IL16: variants seen among roughly 807,000 people sequenced by gnomAD.
The protein encoded by IL16 is pro-interleukin-16.
Under a neutral mutation model 110.1 loss-of-function variants are expected in IL16, and 67 were observed. That is an observed-to-expected ratio of 0.61 (90% CI 0.50 to 0.75). IL16 has a LOEUF of 0.75. IL16 is among the 30% of genes least tolerant of loss of function. IL16 has a pLI of 0.00. For missense variants in IL16, 1,545 were observed against 1,655.0 expected, an observed-to-expected ratio of 0.93 and a Z score of 1.15; for synonymous variants, 689 against 662.9, an observed-to-expected ratio of 1.04 and a Z score of -0.61.
intron 1 of IL16, among the ~76,000 whole-genome samples, chr15:81,189,459 G>T (rs1895466203): frequency 6.6e-6 from 1 of 151,922 alleles, no homozygotes. Flanking sequence ...ATTTTTGTAG[G>T]GACAGAGTCT....
intron 12 of IL16, among the ~76,000 whole-genome samples, chr15:81,293,513 C>T (rs1899841378): frequency 6.6e-6 from 1 of 152,074 alleles, no homozygotes; most frequent in African/African-American, 2.4e-5. Flanking sequence ...CCAGCCTGGC[C>T]AAGATGGTGA....
In IL16 at chr15:81,308,670, G is replaced by A; in HGVS notation, c.3871G>A (p.Ala1291Thr). The A allele has an allele frequency of 6.2e-7, 1 of 1,613,522 alleles. No homozygotes were observed. The highest frequency in any genetic ancestry group is 1.1e-5 in the South Asian group (1 of 91,048). ...TGAAATCTTACAGCTGGGTGGCACT[G>A]CCATGCAGGGCCTCACACGGTTTGA... Reference protein sequence around the residue: ...GDEILQLGGTAMQGLTRFEAW... With the variant: ...GDEILQLGGTTMQGLTRFEAW... The change falls in exon 19 of 19, where the codon GCC becomes ACC. Residue 1291 changes from alanine (A) to threonine (T), a missense_variant. Coordinates refer to ENST00000683961, the MANE Select transcript of IL16 (RefSeq NM_172217.5).
chr15:81,220,104 C>G (rs553199618), intron 1 of IL16, among the ~76,000 whole-genome samples: 2 of 152,174 alleles, frequency 1.3e-5, no homozygotes, highest in Non-Finnish European at 2.9e-5. Flanking sequence ...CACAGAACTA[C>G]TCCCAGCTGC....
chr15:81,194,608 G>T (rs542919959), upstream of IL16, among the ~76,000 whole-genome samples: 54 of 151,802 alleles, frequency 3.6e-4, no homozygotes, highest in Middle Eastern at 3.5e-3. Flanking sequence ...TAAAAAATAG[G>T]AGAATTAGAA....
chr15:81,297,185 A>G (rs1261265476), intron 13 of IL16, 107 bp downstream of exon 13: 24 of 1,072,986 alleles, frequency 2.2e-5, no homozygotes, highest in Non-Finnish European at 3.1e-5. Flanking sequence ...CTGCATTGAC[A>G]TCACCACTGG....
intron 1 of IL16, among the ~76,000 whole-genome samples, chr15:81,222,745 GACACACAC>G (rs71718505): frequency 4.0e-5 from 6 of 148,270 alleles, no homozygotes; most frequent in African/African-American, 9.8e-5. Context: ...CACACTCACA[GACACACAC>G]ACACACACAC....
chr15:81,210,331 C>A (rs774124475), intron 1 of IL16, among the ~76,000 whole-genome samples: 1 of 152,044 alleles, frequency 6.6e-6, no homozygotes, highest in Non-Finnish European at 1.5e-5. Context: ...CTTAAAATTG[C>A]CTTGGCTATG....
chr15:81,191,497 C>T (rs1440355461), intron 1 of IL16, among the ~76,000 whole-genome samples: 6 of 152,198 alleles, frequency 3.9e-5, no homozygotes, highest in Admixed American at 6.5e-5. Flanking sequence ...ATGGGCCAGG[C>T]ATGCTCTAGT....
At chr15:81,204,532 T>A (rs28563831) in intron 1 of IL16, among the ~76,000 whole-genome samples, 24,604 of 151,514 alleles carry the variant, frequency 0.16, 4,592 homozygotes, top group African/African-American at 0.46. Context: ...TTTAGCATGA[T>A]GGGTTGTTGA....
At chr15:81,189,386 A>C (rs1895465185) in intron 1 of IL16, among the ~76,000 whole-genome samples, 1 of 152,206 alleles carries the variant, frequency 6.6e-6, no homozygotes, top group South Asian at 2.1e-4. Flanking sequence ...GGTCTCCTAA[A>C]GTGCTGGGAT....
At chr15:81,196,373 C>T (rs147211805), upstream of IL16, among the ~76,000 whole-genome samples, 169 of 152,278 alleles carry the variant, frequency 1.1e-3, no homozygotes, top group Middle Eastern at 0.01. Context: ...AGATTGATGG[C>T]AGGATTGTAT....
intron 1 of IL16, among the ~76,000 whole-genome samples, chr15:81,211,667 C>T (rs567312082): frequency 1.3e-5 from 2 of 152,310 alleles, no homozygotes; most frequent in African/African-American, 2.4e-5. Flanking sequence ...GAATTACAGG[C>T]ATGAGCCACT....
intron 2 of IL16, among the ~76,000 whole-genome samples, chr15:81,233,459 CTG>C (rs5814049): frequency 0.1 from 14,616 of 143,218 alleles, 821 homozygotes; most frequent in East Asian, 0.16. Flanking sequence ...TCTTCTCTTT[CTG>C]TGTGTGTGTG....
intron 1 of IL16, among the ~76,000 whole-genome samples, chr15:81,221,613 A>G (rs1263919708): frequency 6.6e-6 from 1 of 152,090 alleles, no homozygotes; most frequent in Non-Finnish European, 1.5e-5. Context: ...GCCTGGAGGG[A>G]AGGCAATCTC....
At chr15:81,200,903 G>A (rs750740469) in intron 1 of IL16, among the ~76,000 whole-genome samples, 32 of 152,172 alleles carry the variant, frequency 2.1e-4, no homozygotes, top group Non-Finnish European at 3.5e-4. Flanking sequence ...AGAGAGCCTC[G>A]AGCAATGGTG....
intron 1 of IL16, among the ~76,000 whole-genome samples, chr15:81,222,876 A>G (rs144500981): frequency 6.6e-6 from 1 of 152,118 alleles, no homozygotes; most frequent in East Asian, 1.9e-4. Context: ...TTATAGCGAC[A>G]TTTGTGTGGA....
chr15:81,184,411 C>G (rs779248606), intron 1 of IL16, among the ~76,000 whole-genome samples: 1 of 152,194 alleles, frequency 6.6e-6, no homozygotes, highest in African/African-American at 2.4e-5. Flanking sequence ...GGCTGTGATG[C>G]AGTTGCAACA....
At chr15:81,185,978 A>T (rs1177893588) in intron 1 of IL16, among the ~76,000 whole-genome samples, 1 of 152,230 alleles carries the variant, frequency 6.6e-6, no homozygotes, top group Non-Finnish European at 1.5e-5. Flanking sequence ...AGCATCTTAA[A>T]CAAATTATGG....
upstream of IL16, among the ~76,000 whole-genome samples, chr15:81,191,972 C>T (rs1895504175): frequency 6.6e-6 from 1 of 152,088 alleles, no homozygotes; most frequent in Admixed American, 6.5e-5. Context: ...AACGCAAAGC[C>T]TTTGGAAGGG....
Sources: allele counts gnomAD v4.1 joint callset (sites outside exome capture counted in the v4.1 genomes callset), GRCh38; gene constraint gnomAD v4.1.1; transcripts MANE v1.5; gene names NCBI Gene and HGNC (gene_info 2026-07-23, HGNC 2026-07-21).